Variants in USP15 observed in about 807,000 individuals in gnomAD.
The protein encoded by USP15 is ubiquitin carboxyl-terminal hydrolase 15.
In USP15, 18 loss-of-function variants were observed where a neutral mutation model predicts 127.1. That is an observed-to-expected ratio of 0.14 (90% CI 0.10 to 0.21). The LOEUF is 0.21. Among genes scored for constraint, USP15 ranks in the 10% least tolerant of loss-of-function variants. The pLI, the probability that USP15 is intolerant of heterozygous loss-of-function variation, is 1.00. For missense variants in USP15, 805 were observed against 1,159.9 expected (o/e 0.69, Z 4.44); for synonymous variants, 364 against 393.7 (o/e 0.92, Z 0.89).
intron 8 of USP15, among the ~76,000 whole-genome samples, chr12:62,356,082 T>C (rs1238519874): frequency 6.6e-6 from 1 of 151,770 alleles, no homozygotes; most frequent in Non-Finnish European, 1.5e-5. Flanking sequence ...TTTTTTAATA[T>C]CACTGTTACT....
At position 62,366,811 on chromosome 12, in the gene USP15, G is replaced by A. The variant is rs142320498; in HGVS notation, c.915+11336G>A. ...TTTCTGCATCTATTGAGATATTCAT[G>A]TGGTTTTTGTCATTGGTTCTGTTTA... On this transcript the variant is annotated intron_variant, in intron 8 of 21. Transcript: ENST00000280377. Among the ~76,000 whole-genome samples, 209 of 152,330 alleles carry A rather than the reference G, an allele frequency of 1.4e-3. 2 individuals are homozygous for A. Among genetic ancestry groups the A allele is most frequent in the African/African-American group, 4.6e-3 (190 of 41,578 alleles).
chr12:62,355,901 A>T (rs770170702), intron 8 of USP15, among the ~76,000 whole-genome samples: 5 of 148,864 alleles, frequency 3.4e-5, no homozygotes, highest in Admixed American at 2.0e-4. Flanking sequence ...TTTTGTATAC[A>T]TACTTTAACA....
intron 6 of USP15, among the ~76,000 whole-genome samples, chr12:62,332,000 A>G (rs1032625111): frequency 1.3e-5 from 2 of 152,180 alleles, no homozygotes; most frequent in African/African-American, 4.8e-5. Flanking sequence ...CCCCGTCTCC[A>G]CTAAAAATAC....
rs199606121 is a variant in USP15, at chr12:62,260,437, A to T, written c.23A>T (p.Asp8Val). Residue 8 changes from aspartate to valine, a missense_variant, in exon 1 of 22, where the codon GAT becomes GTT. Asp to Val is a radical substitution (Grantham distance 152). Transcript: ENST00000280377. Reference sequence around the variant, plus strand: ...AAGATGGCGGAAGGCGGAGCGGCGGATCTGGACACCCAGCGGTCTGACATC... The same window carrying T: ...AAGATGGCGGAAGGCGGAGCGGCGGTTCTGGACACCCAGCGGTCTGACATC... MAEGGAA[D>V]LDTQRSDIAT... 1 of 1,551,620 alleles carries T rather than the reference A, an allele frequency of 6.4e-7. No homozygotes were observed. Among genetic ancestry groups the T allele is most frequent in the East Asian group, 2.4e-5 (1 of 40,988 alleles).
At chr12:62,300,760 A>C (rs1050381395) in intron 2 of USP15, among the ~76,000 whole-genome samples, 2 of 152,186 alleles carry the variant, frequency 1.3e-5, no homozygotes, top group Non-Finnish European at 2.9e-5. Flanking sequence ...ATTAATCCAA[A>C]ATGGATTATA....
chr12:62,315,890 CT>C, intron 4 of USP15, among the ~76,000 whole-genome samples: 1 of 152,234 alleles, frequency 6.6e-6, no homozygotes, highest in South Asian at 2.1e-4. Flanking sequence ...TTGGTTAATC[CT>C]AATGTTTGCA....
chr12:62,357,764 T>C (rs143316276), intron 8 of USP15, among the ~76,000 whole-genome samples: 44 of 152,262 alleles, frequency 2.9e-4, no homozygotes, highest in Admixed American at 1.3e-3. Context: ...TTTAGTTTTA[T>C]TTTCTTAAAA....
chr12:62,287,521 G>T (rs1055885705), intron 1 of USP15, among the ~76,000 whole-genome samples: 2 of 152,088 alleles, frequency 1.3e-5, no homozygotes, highest in Non-Finnish European at 2.9e-5. Flanking sequence ...TTGTTAGGTT[G>T]TCTGTTCTCT....
In USP15 at chr12:62,335,237, C is replaced by T. The variant is rs78815882; in HGVS notation, c.683+9304C>T. On this transcript the variant is annotated intron_variant, in intron 6 of 21. Coordinates refer to ENST00000280377, the MANE Select transcript of USP15 (RefSeq NM_001252078.2). Reference sequence around the variant, plus strand: ...ACGTCACAGAAAGAGAGCTAAAGGGCTCTGGTTATCATCCACAGACTGACC... The same window carrying T: ...ACGTCACAGAAAGAGAGCTAAAGGGTTCTGGTTATCATCCACAGACTGACC... The T allele has an allele frequency of 7.9e-4, 1,207 of 1,534,452 alleles. 13 individuals are homozygous for T. In the East Asian group the frequency reaches 0.014, roughly 18 times the overall value.
chr12:62,316,978 A>G (rs2064847252), intron 4 of USP15, among the ~76,000 whole-genome samples: 1 of 152,172 alleles, frequency 6.6e-6, no homozygotes, highest in Non-Finnish European at 1.5e-5. Context: ...TTGCATAGCT[A>G]TAATTTTTTA....
At chr12:62,354,813 G>T (rs547839125) in intron 7 of USP15, among the ~76,000 whole-genome samples, 3 of 151,828 alleles carry the variant, frequency 2.0e-5, no homozygotes, top group African/African-American at 7.2e-5. Flanking sequence ...TGCTGGTCTC[G>T]CATAGAAACT....
chr12:62,290,185 G>C lies in USP15; in HGVS notation c.90-3994G>C, dbSNP rs115848357. Among the ~76,000 whole-genome samples the C allele has an allele frequency of 9.2e-4, 140 of 152,254 alleles. 1 individual carries two copies. Among genetic ancestry groups the C allele is most frequent in the African/African-American group, 3.2e-3 (133 of 41,570 alleles). On this transcript the variant is annotated intron_variant, in intron 1 of 21. Transcript: ENST00000280377. ...TTCTTTGTTGGTTTTGTGTCCTGATGATCTGTCTAGTGCTGTCAGTGGAAT... is the reference window on the plus strand; with the variant it reads ...TTCTTTGTTGGTTTTGTGTCCTGATCATCTGTCTAGTGCTGTCAGTGGAAT...
chr12:62,292,752 T>G (rs2064010626), intron 1 of USP15, among the ~76,000 whole-genome samples: 1 of 152,194 alleles, frequency 6.6e-6, no homozygotes, highest in Non-Finnish European at 1.5e-5. Context: ...CGCTGGAAAA[T>G]GCATGCTTTG....
At chr12:62,402,208 T>C (rs1190509865) in intron 21 of USP15, among the ~76,000 whole-genome samples, 1 of 151,864 alleles carries the variant, frequency 6.6e-6, no homozygotes, top group Non-Finnish European at 1.5e-5. Context: ...TTAACAATGA[T>C]GATTCTTCAT....
chr12:62,401,257 A>G lies in USP15; in HGVS notation c.2745A>G (p.Ala915=), dbSNP rs1471080843. The G allele has an allele frequency of 1.2e-6, 2 of 1,611,846 alleles. No individual in the cohort carries two copies. The highest frequency in any genetic ancestry group is 1.7e-6 in the Non-Finnish European group (2 of 1,178,604). Residue 915 remains alanine, a synonymous_variant, in exon 21 of 22, where the codon GCA becomes GCG. Coordinates refer to ENST00000280377, the MANE Select transcript of USP15 (RefSeq NM_001252078.2). ...YYFDDSSVST[A]SEDQIVSKAA... The stretch of plus-strand genomic sequence containing the variant: ...TTGATGACAGTAGTGTCTCCACTGC[A>G]TCTGAAGACCAAATTGTGGTAAGTT...
intron 14 of USP15, among the ~76,000 whole-genome samples, chr12:62,390,532 TC>T (rs1363126728): frequency 6.6e-6 from 1 of 152,124 alleles, no homozygotes; most frequent in Non-Finnish European, 1.5e-5. Flanking sequence ...TATTATAGTT[TC>T]ATAACCCATA....
chr12:62,317,285 A>G (rs992971051), intron 4 of USP15, among the ~76,000 whole-genome samples: 2 of 152,178 alleles, frequency 1.3e-5, no homozygotes, highest in African/African-American at 2.4e-5. Flanking sequence ...AATATTTACT[A>G]TGTTTTAAGC....
chr12:62,267,644 T>G (rs2063229311), intron 1 of USP15, among the ~76,000 whole-genome samples: 1 of 152,094 alleles, frequency 6.6e-6, no homozygotes, highest in Non-Finnish European at 1.5e-5. Context: ...ATTAGCGTGG[T>G]AATTCCCCAC....
intron 3 of USP15, among the ~76,000 whole-genome samples, chr12:62,313,584 A>G (rs2064745447): frequency 1.3e-5 from 2 of 151,798 alleles, no homozygotes; most frequent in Admixed American, 6.6e-5. Flanking sequence ...CTACTTAAAT[A>G]TAACTACAAG....
Sources: allele counts gnomAD v4.1 joint callset (sites outside exome capture counted in the v4.1 genomes callset), GRCh38; gene constraint gnomAD v4.1.1; transcripts MANE v1.5; gene names NCBI Gene and HGNC (gene_info 2026-07-23, HGNC 2026-07-21).